LOC400499: variants seen among roughly 807,000 people sequenced by gnomAD.
At chr16:11,503,397 A>T in the LOC400499 span, among the ~76,000 whole-genome samples, 101,414 of 151,970 alleles carry the variant, frequency 0.67, 34,293 homozygotes, top group Admixed American at 0.75. Flanking sequence ...GGTACCCCTG[A>T]AGTCTCAGGC....
At chr16:11,397,425 C>CT in the LOC400499 span, among the ~76,000 whole-genome samples, 1 of 152,094 alleles carries the variant, frequency 6.6e-6, no homozygotes, top group African/African-American at 2.4e-5. Context: ...AGGCACGTGC[C>CT]ACCGTGCCCA....
the LOC400499 span, chr16:11,396,785 A>T: frequency 1.1e-6 from 1 of 889,348 alleles, no homozygotes; most frequent in Non-Finnish European, 1.5e-6. Flanking sequence ...CAGCCTCCAC[A>T]CCTGTCGCAG....
At chr16:11,395,838 C>G in the LOC400499 span, among the ~76,000 whole-genome samples, 1 of 152,072 alleles carries the variant, frequency 6.6e-6, no homozygotes, top group Admixed American at 6.5e-5. Flanking sequence ...ACGCAGGCAG[C>G]GGGAACCGGT....
At chr16:11,462,731 A>G in the LOC400499 span, among the ~76,000 whole-genome samples, 2 of 152,174 alleles carry the variant, frequency 1.3e-5, no homozygotes, top group East Asian at 3.9e-4. Flanking sequence ...CCCTTCCCCA[A>G]TTTTTTAAAC....
At chr16:11,470,469 C>T in the LOC400499 span, 1 of 152,236 alleles carries the variant, frequency 6.6e-6, no homozygotes, top group Non-Finnish European at 1.5e-5. Context: ...AATTTCTCCA[C>T]TCTTTCTGGG....
the LOC400499 span, among the ~76,000 whole-genome samples, chr16:11,388,498 A>C: frequency 1.3e-5 from 2 of 152,152 alleles, no homozygotes; most frequent in African/African-American, 4.8e-5. Flanking sequence ...AGCATGGAAG[A>C]AGGAGCTGCC....
chr16:11,450,098 C>G, the LOC400499 span, among the ~76,000 whole-genome samples: 1 of 152,198 alleles, frequency 6.6e-6, no homozygotes, highest in Non-Finnish European at 1.5e-5. Flanking sequence ...CGGATGAGCC[C>G]AATCAAGGCC....
At chr16:11,383,031 T>G in the LOC400499 span, among the ~76,000 whole-genome samples, 1 of 151,102 alleles carries the variant, frequency 6.6e-6, no homozygotes, top group Non-Finnish European at 1.5e-5. Context: ...CTTACAATCA[T>G]GGCAGGAGGA....
chr16:11,429,456 G>A, the LOC400499 span, among the ~76,000 whole-genome samples: 1 of 152,150 alleles, frequency 6.6e-6, no homozygotes, highest in South Asian at 2.1e-4. Context: ...AGTTAGCAGG[G>A]AAAGCATTCT....
chr16:11,373,425 C>A, the LOC400499 span, among the ~76,000 whole-genome samples: 1 of 152,106 alleles, frequency 6.6e-6, no homozygotes, highest in Non-Finnish European at 1.5e-5. Context: ...CCTCTGCCTC[C>A]TGGGTTCAAG....
chr16:11,488,289 G>T, the LOC400499 span, among the ~76,000 whole-genome samples: 1 of 152,034 alleles, frequency 6.6e-6, no homozygotes, highest in Non-Finnish European at 1.5e-5. Context: ...GAGAAAAGAT[G>T]TAAGTATTCA....
chr16:11,451,453 A>C, the LOC400499 span, among the ~76,000 whole-genome samples: 1 of 152,032 alleles, frequency 6.6e-6, no homozygotes, highest in Non-Finnish European at 1.5e-5. Flanking sequence ...GGTGGTGCTC[A>C]CCTATATCCC....
the LOC400499 span, among the ~76,000 whole-genome samples, chr16:11,403,827 CT>C: frequency 1.4e-5 from 2 of 146,952 alleles, no homozygotes; most frequent in African/African-American, 4.8e-5. Context: ...CTCAGCTCCC[CT>C]GGCACCACAA....
At chr16:11,478,091 T>C in the LOC400499 span, 1 of 393,380 alleles carries the variant, frequency 2.5e-6, no homozygotes, top group Non-Finnish European at 4.5e-6. Context: ...GACGGGTGGA[T>C]CATTTGAGCC....
the LOC400499 span, chr16:11,462,385 G>A: frequency 7.2e-7 from 1 of 1,380,498 alleles, no homozygotes; most frequent in Non-Finnish European, 9.3e-7. Context: ...GACCAGACAG[G>A]GCAGGAGACA....
the LOC400499 span, chr16:11,471,458 T>C: frequency 2.8e-5 from 11 of 392,296 alleles, no homozygotes; most frequent in South Asian, 1.3e-3. Flanking sequence ...ACCTAAAGAC[T>C]GATTCAGAGT....
At chr16:11,448,905 T>A in the LOC400499 span, 1 of 1,454,974 alleles carries the variant, frequency 6.9e-7, no homozygotes, top group East Asian at 2.5e-5. Context: ...TGCACGGGCC[T>A]CCTGGGTTCT....
At chr16:11,439,391 T>C in the LOC400499 span, 5 of 397,712 alleles carry the variant, frequency 1.3e-5, no homozygotes, top group East Asian at 1.8e-4. Context: ...CGGGCCCCCA[T>C]CCTGCCTTCT....
chr16:11,398,160 G>T, the LOC400499 span, among the ~76,000 whole-genome samples: 1 of 152,164 alleles, frequency 6.6e-6, no homozygotes, highest in Non-Finnish European at 1.5e-5. Flanking sequence ...TTCCTCAGAT[G>T]AAACACCAGA....
Sources: allele counts gnomAD v4.1 joint callset (sites outside exome capture counted in the v4.1 genomes callset), GRCh38; gene constraint gnomAD v4.1.1; transcripts MANE v1.5.